The following FRYL variants were observed in gnomAD, a reference collection of about 807,000 sequenced individuals.
The protein encoded by FRYL is FRY like transcription coactivator, also known as protein furry homolog-like.
Under a neutral mutation model 351.2 loss-of-function variants are expected in FRYL, and 150 were observed. The observed-to-expected ratio is 0.43, with a 90% CI of 0.37 to 0.49. FRYL has a LOEUF of 0.49. Among genes scored for constraint, FRYL ranks in the 20% least tolerant of loss-of-function variants. The pLI, the probability that FRYL is intolerant of heterozygous loss-of-function variation, is 0.00. For synonymous variants in FRYL, 1,153 were observed against 1,257.1 expected (o/e 0.92, Z 1.75); for missense variants, 3,036 against 3,619.3 (o/e 0.84, Z 4.13).
intron 1 of FRYL, chr4:48,727,574 A>G (rs1770222103): frequency 6.6e-6 from 1 of 152,218 alleles, no homozygotes; most frequent in African/African-American, 2.4e-5. Flanking sequence ...GAAGGGGCCT[A>G]TCGCACTTTT....
At chr4:48,655,437 CAG>C (rs1758636348) in intron 3 of FRYL, among the ~76,000 whole-genome samples, 1 of 151,856 alleles carries the variant, frequency 6.6e-6, no homozygotes, top group Non-Finnish European at 1.5e-5. Flanking sequence ...TCCCACAGCC[CAG>C]AAACACTACA....
In FRYL at chr4:48,541,507, A is replaced by C. The variant is rs141428353; in HGVS notation, c.5687+520T>G. ...GATAGATATGTAAATGGATAAATTTATAGCCTGCTAATTGCTATTATTACA... is the reference window on the plus strand; with the variant it reads ...GATAGATATGTAAATGGATAAATTTCTAGCCTGCTAATTGCTATTATTACA... On this transcript the variant is annotated intron_variant, in intron 45 of 63. Transcript: ENST00000358350. Among the ~76,000 whole-genome samples, 53 of 152,368 alleles carry C rather than the reference A, an allele frequency of 3.5e-4. No individual in the cohort carries two copies. In the East Asian group the frequency reaches 9.4e-3, roughly 27 times the overall value.
At chr4:48,526,044 T>C (rs1012133519) in intron 53 of FRYL, among the ~76,000 whole-genome samples, 3 of 152,116 alleles carry the variant, frequency 2.0e-5, no homozygotes, top group Non-Finnish European at 2.9e-5. Context: ...GTAGTACATG[T>C]ATATGTACAT....
intron 48 of FRYL, 65 bp downstream of exon 48, chr4:48,535,586 TACACAC>T (rs3838234): frequency 7.0e-5 from 32 of 458,296 alleles, no homozygotes; most frequent in Middle Eastern, 5.7e-4. Flanking sequence ...TATATACACA[TACACAC>T]ACACACACAC....
intron 3 of FRYL, among the ~76,000 whole-genome samples, chr4:48,642,817 TAG>T (rs1396232730): frequency 6.6e-6 from 1 of 152,106 alleles, no homozygotes; most frequent in Non-Finnish European, 1.5e-5. Context: ...TCTAAAAACC[TAG>T]AGATAATGAG....
chr4:48,590,009 TA>T, intron 17 of FRYL, 132 bp from the exon 18 acceptor site: 1 of 713,916 alleles, frequency 1.4e-6, no homozygotes, highest in African/African-American at 1.8e-5. Context: ...AACTGTGACA[TA>T]TTCTTCTCCC....
chr4:48,765,632 A>G (rs1774870507), intron 1 of FRYL, among the ~76,000 whole-genome samples: 1 of 152,210 alleles, frequency 6.6e-6, no homozygotes, highest in Non-Finnish European at 1.5e-5. Context: ...CAAAGGCAAC[A>G]AAGCAAAACA....
intron 2 of FRYL, among the ~76,000 whole-genome samples, chr4:48,692,901 T>C (rs1314485425): frequency 6.6e-6 from 1 of 152,232 alleles, no homozygotes; most frequent in Non-Finnish European, 1.5e-5. Context: ...CAATTCCTCA[T>C]TTCTATAAGT....
chr4:48,709,345 C>A (rs1204061227), intron 2 of FRYL, among the ~76,000 whole-genome samples: 1 of 152,018 alleles, frequency 6.6e-6, no homozygotes, highest in East Asian at 1.9e-4. Flanking sequence ...ATAATGAGAG[C>A]CACTAATATG....
intron 33 of FRYL, 110 bp downstream of exon 33, chr4:48,561,358 A>G: frequency 1.6e-6 from 1 of 628,028 alleles, no homozygotes; most frequent in Non-Finnish European, 2.5e-6. Context: ...ATGTAAAGAC[A>G]TGTCTGGTTT....
intron 40 of FRYL, 122 bp downstream of exon 40, chr4:48,548,568 G>T: frequency 1.6e-6 from 1 of 642,550 alleles, no homozygotes; most frequent in Non-Finnish European, 2.8e-6. Flanking sequence ...AGTGAAAAGT[G>T]TCATGGAAAT....
chr4:48,651,519 A>G (rs757703630), intron 3 of FRYL, among the ~76,000 whole-genome samples: 7 of 152,100 alleles, frequency 4.6e-5, no homozygotes, highest in African/African-American at 1.7e-4. Flanking sequence ...TGTTTTATGT[A>G]TAACAGTCAT....
At chr4:48,687,313 A>C (rs1765234108) in intron 2 of FRYL, among the ~76,000 whole-genome samples, 2 of 152,120 alleles carry the variant, frequency 1.3e-5, no homozygotes, top group South Asian at 4.1e-4. Flanking sequence ...ATAAAAACGG[A>C]CATCAGTTGG....
At chr4:48,614,445 G>A (rs1404561501) in intron 7 of FRYL, among the ~76,000 whole-genome samples, 1 of 152,012 alleles carries the variant, frequency 6.6e-6, no homozygotes. Flanking sequence ...TAACTGGCTG[G>A]GTGCAATGGC....
intron 1 of FRYL, among the ~76,000 whole-genome samples, chr4:48,727,139 G>A (rs1286686080): frequency 2.0e-5 from 3 of 151,854 alleles, no homozygotes; most frequent in Admixed American, 2.0e-4. Flanking sequence ...TTAAATAGCA[G>A]GCTACCTCTG....
intron 2 of FRYL, among the ~76,000 whole-genome samples, chr4:48,707,197 A>G (rs1767459559): frequency 6.6e-6 from 1 of 152,172 alleles, no homozygotes; most frequent in Non-Finnish European, 1.5e-5. Flanking sequence ...TTTTTTAATT[A>G]TTTTTATTTG....
intron 1 of FRYL, among the ~76,000 whole-genome samples, chr4:48,768,849 G>A (rs1775233825): frequency 6.6e-6 from 1 of 151,972 alleles, no homozygotes; most frequent in Middle Eastern, 3.4e-3. Context: ...TGCATTATAT[G>A]GCTCGGCACA....
chr4:48,691,018 TAG>T (rs1765634579), intron 2 of FRYL, among the ~76,000 whole-genome samples: 1 of 152,334 alleles, frequency 6.6e-6, no homozygotes, highest in African/African-American at 2.4e-5. Flanking sequence ...CCAGCAAGCT[TAG>T]AGAAGCCTGA....
chr4:48,634,600 C>G, intron 3 of FRYL, 110 bp from the exon 4 acceptor site: 2 of 669,820 alleles, frequency 3.0e-6, no homozygotes, highest in Non-Finnish European at 4.9e-6. Context: ...ACCAGTTCTC[C>G]CAATCTCCTC....
Sources: gnomAD v4.1 joint callset for allele counts (sites outside exome capture counted in the v4.1 genomes callset) on GRCh38, gnomAD v4.1.1 for gene constraint, MANE v1.5 for transcripts, NCBI Gene and HGNC (gene_info 2026-07-23, HGNC 2026-07-21) for gene names.